LRRC32: variants seen among roughly 807,000 people sequenced by gnomAD.
LRRC32 encodes the protein leucine rich repeat containing 32.
LRRC32 carries 5 observed loss-of-function variants against 15.0 expected under a neutral mutation model. The observed-to-expected ratio is 0.33, with a 90% CI of 0.17 to 0.70. The LOEUF is 0.70. LRRC32 is among the 30% of genes least tolerant of loss of function. The pLI is 0.66. For missense variants in LRRC32, 803 were observed against 854.2 expected (o/e 0.94, Z 0.75); for synonymous variants, 391 against 403.9 (o/e 0.97, Z 0.38).
chr11:76,661,921 C>T (rs554545166), intron 2 of LRRC32, among the ~76,000 whole-genome samples: 62 of 152,280 alleles, frequency 4.1e-4, no homozygotes, highest in African/African-American at 1.4e-3. Context: ...GCTCCTGATT[C>T]TATGTCCTAG....
At chr11:76,666,570 G>A (rs996017513) in intron 1 of LRRC32, among the ~76,000 whole-genome samples, 6 of 152,244 alleles carry the variant, frequency 3.9e-5, no homozygotes, top group South Asian at 2.1e-4. Flanking sequence ...GGCTGCCCCG[G>A]CACTGCTCTG....
In LRRC32 at chr11:76,661,445, C is replaced by T; in HGVS notation, c.148G>A (p.Asp50Asn). 1.7e-5 allele frequency: 27 copies of T among 1,606,762 alleles called. No homozygotes were observed. Among genetic ancestry groups the T allele is most frequent in the Non-Finnish European group, 2.3e-5 (27 of 1,176,502 alleles). The change falls in exon 3 of 3, where the codon GAC (aspartate) becomes AAC (asparagine). Residue 50 changes from aspartate (D) to asparagine (N), a missense_variant. Asp to Asn is a conservative substitution (Grantham distance 23). Transcript: ENST00000260061. ...LLQVPSVLPP[D>N]TETLDLSGNQ... Reference sequence around the variant, plus strand: ...CCAGATAGATCAAGGGTCTCAGTGTCTGGCGGGAGCACCGAGGGGACCTGG... The same window carrying T: ...CCAGATAGATCAAGGGTCTCAGTGTTTGGCGGGAGCACCGAGGGGACCTGG...
chr11:76,660,530 C>T lies in LRRC32; in HGVS notation c.1063G>A (p.Glu355Lys), dbSNP rs1156994710. The T allele has an allele frequency of 3.7e-6, 6 of 1,614,040 alleles. No homozygotes were observed. The highest frequency in any genetic ancestry group is 5.1e-6 in the Non-Finnish European group (6 of 1,180,022). Residue 355 changes from glutamate (E) to lysine (K), a missense_variant, in exon 3 of 3, where the codon GAG becomes AAG. Coordinates refer to ENST00000260061, the MANE Select transcript of LRRC32 (RefSeq NM_001128922.2). Reference protein sequence around the residue: ...NLSRNCLRTFEARRLGSLPCL... With the variant: ...NLSRNCLRTFKARRLGSLPCL... ...GGCAGGGAGCCTAAGCGCCGGGCCTCAAAGGTCCGCAAGCAGTTTCTGCTG... is the reference window on the plus strand; with the variant it reads ...GGCAGGGAGCCTAAGCGCCGGGCCTTAAAGGTCCGCAAGCAGTTTCTGCTG...
chr11:76,664,583 A>T (rs549742022), intron 2 of LRRC32, among the ~76,000 whole-genome samples: 17 of 152,332 alleles, frequency 1.1e-4, no homozygotes, highest in African/African-American at 4.1e-4. Context: ...GGCAGTGAAC[A>T]GTGGCAAAGG....
chr11:76,669,958 T>A (rs936854382), intron 1 of LRRC32: 3 of 152,468 alleles, frequency 2.0e-5, no homozygotes, highest in African/African-American at 7.2e-5. Flanking sequence ...CGGCCTCAGC[T>A]GACTTACTGG....
intron 2 of LRRC32, among the ~76,000 whole-genome samples, chr11:76,662,187 T>C (rs1274272891): frequency 6.6e-6 from 1 of 152,124 alleles, no homozygotes. Flanking sequence ...GGTGGCTTTC[T>C]TCCCAGGCTG....
intron 2 of LRRC32, among the ~76,000 whole-genome samples, chr11:76,665,088 G>T (rs976778361): frequency 1.3e-5 from 2 of 152,244 alleles, no homozygotes; most frequent in African/African-American, 4.8e-5. Flanking sequence ...AGTGGATCTA[G>T]GTGTTCTCTT....
At chr11:76,661,575 G>A in intron 2 of LRRC32, 67 bp from the exon 3 acceptor site, 1 of 1,478,500 alleles carries the variant, frequency 6.8e-7, no homozygotes, top group South Asian at 1.4e-5. Context: ...AACCAGACAT[G>A]TTTATCCAGG....
At position 76,661,093 on chromosome 11, in the gene LRRC32, T is replaced by A; in HGVS notation, c.500A>T (p.His167Leu). Reference sequence around the variant, plus strand: ...CAGCGCAGGCATGTCCCGGAAGGTGTGGCGGGTGAGGCGAGTCAGACTGTT... The same window carrying A: ...CAGCGCAGGCATGTCCCGGAAGGTGAGGCGGGTGAGGCGAGTCAGACTGTT... ...AENSLTRLTR[H>L]TFRDMPALEQ... is the part of the protein sequence containing the mutation. Residue 167 changes from histidine to leucine, a missense_variant, in exon 3 of 3, where the codon CAC becomes CTC. By Grantham distance (99) the His-to-Leu change is moderately conservative (BLOSUM62 -3). Coordinates refer to ENST00000260061, the MANE Select transcript of LRRC32 (RefSeq NM_001128922.2). The A allele has an allele frequency of 6.2e-7, 1 of 1,614,068 alleles. No individual in the cohort carries two copies. Among genetic ancestry groups the A allele is most frequent in the Non-Finnish European group, 8.5e-7 (1 of 1,180,006 alleles).
chr11:76,663,934 CA>C, intron 2 of LRRC32: 1 of 152,254 alleles, frequency 6.6e-6, no homozygotes. Context: ...ATCAGACAGT[CA>C]GGGGCTCAAA....
chr11:76,665,254 C>A (rs1218866009), intron 2 of LRRC32, among the ~76,000 whole-genome samples: 1 of 152,318 alleles, frequency 6.6e-6, no homozygotes, highest in African/African-American at 2.4e-5. Flanking sequence ...CCAACCACCC[C>A]ACATGTTCAG....
chr11:76,661,046 T>G lies in LRRC32; in HGVS notation c.547A>C (p.Asn183His), dbSNP rs1337983547. 6.2e-7 allele frequency: 1 copy of G among 1,614,092 alleles called. No homozygotes were observed. The highest frequency in any genetic ancestry group is 8.5e-7 in the Non-Finnish European group (1 of 1,180,038). Reference sequence around the variant, plus strand: ...CCATCCTCGATGTCCATCAGCACGTTGCTATGCAGGTCAAGCTGCTCCAGC... The same window carrying G: ...CCATCCTCGATGTCCATCAGCACGTGGCTATGCAGGTCAAGCTGCTCCAGC... ...PALEQLDLHS[N>H]VLMDIEDGAF... is the part of the protein sequence containing the mutation. The change falls in exon 3 of 3, where the codon AAC (asparagine) becomes CAC (histidine). Residue 183 changes from asparagine to histidine, a missense_variant. Asn to His is a moderately conservative substitution (Grantham distance 68). Coordinates refer to ENST00000260061, the MANE Select transcript of LRRC32 (RefSeq NM_001128922.2).
chr11:76,670,124 CGTGGGG>C (rs1952687118), intron 1 of LRRC32: 1 of 152,514 alleles, frequency 6.6e-6, no homozygotes, highest in East Asian at 1.9e-4. Flanking sequence ...GGCAGCTCGG[CGTGGGG>C]GTGGGGGCCC....
At chr11:76,665,181 A>G (rs890367050) in intron 2 of LRRC32, among the ~76,000 whole-genome samples, 4 of 152,220 alleles carry the variant, frequency 2.6e-5, no homozygotes, top group African/African-American at 7.2e-5. Flanking sequence ...AAGCAAATCA[A>G]ACTTGGTCCT....
At chr11:76,665,811 G>A in intron 2 of LRRC32, 60 bp downstream of exon 2, 1 of 1,604,046 alleles carries the variant, frequency 6.2e-7, no homozygotes, top group Non-Finnish European at 8.5e-7. Context: ...TGGGGCACTA[G>A]CACACCCTAG....
rs962709478 is a variant in LRRC32 at position 76,660,128 on chromosome 11, G to A, written c.1465C>T (p.Leu489=). The A allele has an allele frequency of 1.9e-6, 3 of 1,609,064 alleles. No individual in the cohort carries two copies. In the African/African-American group the frequency reaches 4.0e-5, roughly 22 times the overall value. Residue 489 remains leucine, a synonymous_variant, in exon 3 of 3, where the codon CTG becomes TTG. Coordinates refer to ENST00000260061, the MANE Select transcript of LRRC32 (RefSeq NM_001128922.2). ...LEVATGALGG[L]EASLEVLALQ... ...GCCAGGACCTCCAAGGAGGCCTCCA[G>A]GCCTCCCAAGGCCCCCGTGGCCACC...
intron 2 of LRRC32, among the ~76,000 whole-genome samples, chr11:76,661,877 G>A (rs187342920): frequency 4.6e-5 from 7 of 152,328 alleles, no homozygotes; most frequent in Admixed American, 3.3e-4. Flanking sequence ...GTGACCCCAA[G>A]CCAGTGAGCA....
rs372512045 is a variant in LRRC32 at position 76,665,902 on chromosome 11, G to A, written c.53C>T (p.Ala18Val). Reference protein sequence around the residue: ...LLALLTLGLAAQHQDKVPCKM... With the variant: ...LLALLTLGLAVQHQDKVPCKM... Reference sequence around the variant, plus strand: ...ACAGGGCACTTTGTCTTGGTGTTGTGCAGCCAGGCCTAGGGTCAGCAGGGC... The same window carrying A: ...ACAGGGCACTTTGTCTTGGTGTTGTACAGCCAGGCCTAGGGTCAGCAGGGC... Residue 18 changes from alanine (A) to valine (V), a missense_variant, in exon 2 of 3, where the codon GCA (alanine) becomes GTA (valine). Coordinates refer to ENST00000260061, the MANE Select transcript of LRRC32 (RefSeq NM_001128922.2). 3.7e-6 allele frequency: 6 copies of A among 1,613,960 alleles called. No individual in the cohort carries two copies. The African/African-American group carries it at 8.0e-5, about 22-fold the overall frequency.
chr11:76,670,325 C>G (rs1034186360), intron 1 of LRRC32, among the ~76,000 whole-genome samples: 1 of 152,220 alleles, frequency 6.6e-6, no homozygotes, highest in African/African-American at 2.4e-5. Context: ...CCTTGCCTAG[C>G]TGTGTGTTCC....
Sources: allele counts gnomAD v4.1 joint callset (sites outside exome capture counted in the v4.1 genomes callset), GRCh38; gene constraint gnomAD v4.1.1; transcripts MANE v1.5; gene names NCBI Gene and HGNC (gene_info 2026-07-23, HGNC 2026-07-21).